The following CDH18 variants were observed in gnomAD, a reference collection of about 807,000 sequenced individuals.
CDH18 encodes cadherin-18.
In CDH18, 31 loss-of-function variants were observed where a neutral mutation model predicts 67.9. That is an observed-to-expected ratio of 0.46 (90% CI 0.34 to 0.62). CDH18 has a LOEUF of 0.62. CDH18 is among the 20% of genes least tolerant of loss of function. The pLI is 0.01. For missense variants in CDH18, 890 were observed against 975.5 expected (o/e 0.91, Z 1.17); for synonymous variants, 362 against 347.2 (o/e 1.04, Z -0.48).
intron 3 of CDH18, among the ~76,000 whole-genome samples, chr5:19,816,823 G>A (rs1779338588): frequency 6.6e-6 from 1 of 151,688 alleles, no homozygotes; most frequent in Admixed American, 6.6e-5. Flanking sequence ...GTACCCTCAT[G>A]GCTTAGAAAG....
intron 2 of CDH18, among the ~76,000 whole-genome samples, chr5:19,868,093 T>C (rs1045321315): frequency 6.6e-6 from 1 of 152,146 alleles, no homozygotes; most frequent in Admixed American, 6.5e-5. Context: ...CTCTTTCTTT[T>C]ATACATTACC....
chr5:19,940,981 G>T (rs1351497748), intron 2 of CDH18, among the ~76,000 whole-genome samples: 1 of 152,088 alleles, frequency 6.6e-6, no homozygotes, highest in South Asian at 2.1e-4. Context: ...TCCTAAAGGG[G>T]GAGGGTGAAA....
At chr5:20,228,744 T>C (rs1340794883) in intron 2 of CDH18, among the ~76,000 whole-genome samples, 2 of 152,124 alleles carry the variant, frequency 1.3e-5, no homozygotes, top group Non-Finnish European at 2.9e-5. Context: ...TTATTTCACT[T>C]AGCATAATAT....
At chr5:19,587,031 T>C (rs919915494) in intron 7 of CDH18, among the ~76,000 whole-genome samples, 2 of 152,172 alleles carry the variant, frequency 1.3e-5, no homozygotes, top group African/African-American at 4.8e-5. Context: ...TGTCTGTTCA[T>C]GTCCTTTGCC....
intron 3 of CDH18, among the ~76,000 whole-genome samples, chr5:19,759,842 C>T (rs183174387): frequency 6.6e-6 from 1 of 152,134 alleles, no homozygotes; most frequent in Non-Finnish European, 1.5e-5. Context: ...GGGACCTCGC[C>T]TCTCCTTCAC....
intron 2 of CDH18, among the ~76,000 whole-genome samples, chr5:20,219,808 TGA>T (rs1406529573): frequency 6.6e-6 from 1 of 151,612 alleles, no homozygotes; most frequent in Non-Finnish European, 1.5e-5. Flanking sequence ...CCTCAAAAAC[TGA>T]ATATAGAAGG....
chr5:20,138,786 T>A (rs980069261), intron 2 of CDH18, among the ~76,000 whole-genome samples: 8 of 152,112 alleles, frequency 5.3e-5, no homozygotes, highest in African/African-American at 1.7e-4. Context: ...CAAGGAGACC[T>A]ACAAACCACT....
intron 5 of CDH18, among the ~76,000 whole-genome samples, chr5:19,695,615 T>C (rs957301023): frequency 1.3e-5 from 2 of 152,190 alleles, no homozygotes; most frequent in Non-Finnish European, 2.9e-5. Flanking sequence ...ACAACCCTTG[T>C]CCTTTACAAA....
chr5:19,537,198 C>T (rs1749553168), intron 9 of CDH18, among the ~76,000 whole-genome samples: 1 of 152,020 alleles, frequency 6.6e-6, no homozygotes, highest in Non-Finnish European at 1.5e-5. Flanking sequence ...AGTAATTCCC[C>T]CCCAGTGACA....
intron 2 of CDH18, among the ~76,000 whole-genome samples, chr5:19,930,502 C>T (rs1265923561): frequency 6.6e-6 from 1 of 152,022 alleles, no homozygotes; most frequent in African/African-American, 2.4e-5. Flanking sequence ...AGAAGGCTCT[C>T]CTATATTTTC....
intron 4 of CDH18, among the ~76,000 whole-genome samples, chr5:19,733,430 G>A (rs1767881374): frequency 6.6e-6 from 1 of 152,098 alleles, no homozygotes; most frequent in South Asian, 2.1e-4. Context: ...ACAGAGAGAT[G>A]ACCTGACTTC....
intron 1 of CDH18, among the ~76,000 whole-genome samples, chr5:20,485,250 A>G (rs1753088663): frequency 6.6e-6 from 1 of 152,130 alleles, no homozygotes; most frequent in South Asian, 2.1e-4. Flanking sequence ...TTCTGACACT[A>G]CAACTATACC....
chr5:19,931,976 T>C (rs985136970), intron 2 of CDH18, among the ~76,000 whole-genome samples: 1 of 151,840 alleles, frequency 6.6e-6, no homozygotes, highest in African/African-American at 2.4e-5. Context: ...TAAGCAAAGA[T>C]CACTCCAACT....
intron 2 of CDH18, among the ~76,000 whole-genome samples, chr5:20,255,168 T>A (rs1744138035): frequency 1.3e-5 from 2 of 152,120 alleles, no homozygotes; most frequent in South Asian, 2.1e-4. Context: ...GAAAAACCAC[T>A]GGGTACAATA....
chr5:20,015,990 C>T (rs933048715), intron 2 of CDH18, among the ~76,000 whole-genome samples: 2 of 152,084 alleles, frequency 1.3e-5, no homozygotes, highest in African/African-American at 4.8e-5. Context: ...ATAAATTGTT[C>T]TACCATAAAG....
chr5:19,672,031 C>T (rs539530025), intron 5 of CDH18, among the ~76,000 whole-genome samples: 6 of 152,186 alleles, frequency 3.9e-5, no homozygotes, highest in African/African-American at 1.4e-4. Context: ...CCCTCCATCC[C>T]CAAAAGCTAA....
chr5:20,016,409 A>C (rs116578809), intron 2 of CDH18, among the ~76,000 whole-genome samples: 1,742 of 152,144 alleles, frequency 0.011, 15 homozygotes, highest in Non-Finnish European at 0.018. Flanking sequence ...CAACACACCC[A>C]CCTGATATGA....
intron 6 of CDH18, among the ~76,000 whole-genome samples, chr5:19,593,707 C>CCTCCTCCTCCTCCTCCTT: frequency 2.2e-3 from 72 of 33,376 alleles, no homozygotes; most frequent in African/African-American, 8.0e-3. Context: ...TCCTCCTCCT[C>CCTCCTCCTCCTCCTCCTT]CTTCTTCTTC....
At chr5:19,741,186 CTATGTATA>C (rs1162345272) in intron 4 of CDH18, among the ~76,000 whole-genome samples, 18 of 147,198 alleles carry the variant, frequency 1.2e-4, no homozygotes, top group South Asian at 6.4e-4. Context: ...TATATGTCAT[CTATGTATA>C]TATGTATATA....
Sources: allele counts gnomAD v4.1 joint callset (sites outside exome capture counted in the v4.1 genomes callset), GRCh38; gene constraint gnomAD v4.1.1; transcripts MANE v1.5; gene names NCBI Gene and HGNC (gene_info 2026-07-23, HGNC 2026-07-21).